Variants in SLC2A9 observed in about 807,000 individuals in gnomAD.
SLC2A9 encodes the protein solute carrier family 2, facilitated glucose transporter member 9.
A neutral mutation model predicts 50.6 loss-of-function variants in SLC2A9; 39 were observed. That is an observed-to-expected ratio of 0.77 (90% CI 0.60 to 1.01). The LOEUF is 1.01. SLC2A9 is among the 50% of genes least tolerant of loss of function. SLC2A9 has a pLI of 0.00. For synonymous variants in SLC2A9, 324 were observed against 276.9 expected (o/e 1.17, Z -1.69); for missense variants, 686 against 677.6 (o/e 1.01, Z -0.14).
At chr4:9,968,603 T>C (rs1753414597) in intron 5 of SLC2A9, among the ~76,000 whole-genome samples, 1 of 152,210 alleles carries the variant, frequency 6.6e-6, no homozygotes, top group South Asian at 2.1e-4. Context: ...CTAAGAGCCA[T>C]ATATCCCCCT....
chr4:10,019,185 G>C, intron 1 of SLC2A9, 112 bp from the exon 2 acceptor site: 1 of 861,396 alleles, frequency 1.2e-6, no homozygotes, highest in South Asian at 1.4e-5. Context: ...AGAAGTCTTT[G>C]TCCTTGGCTG....
At chr4:9,981,880 T>C (rs1244133681) in intron 4 of SLC2A9, among the ~76,000 whole-genome samples, 2 of 148,904 alleles carry the variant, frequency 1.3e-5, no homozygotes, top group Non-Finnish European at 3.0e-5. Context: ...TGGCTTTAAA[T>C]TCTTTTTTTT....
At chr4:9,943,597 C>T (rs185792204) in intron 5 of SLC2A9, among the ~76,000 whole-genome samples, 4 of 152,086 alleles carry the variant, frequency 2.6e-5, no homozygotes, top group East Asian at 1.9e-4. Flanking sequence ...GGCCCGACTC[C>T]GTGAAGATAC....
At chr4:9,848,356 A>T (rs1387357746) in intron 10 of SLC2A9, among the ~76,000 whole-genome samples, 1 of 43,266 alleles carries the variant, frequency 2.3e-5, no homozygotes, top group African/African-American at 3.7e-4. Context: ...TGTGTTTTCT[A>T]AAAAAAAAAA....
intron 10 of SLC2A9, among the ~76,000 whole-genome samples, chr4:9,838,832 C>T (rs6449044): frequency 0.16 from 24,469 of 152,124 alleles, 2,709 homozygotes; most frequent in African/African-American, 0.31. Flanking sequence ...TCCTCCCTTA[C>T]ACCATATACA....
At chr4:9,989,753 C>T (rs901638414) in intron 3 of SLC2A9, among the ~76,000 whole-genome samples, 11 of 152,056 alleles carry the variant, frequency 7.2e-5, no homozygotes. Context: ...CTGCAAAGTC[C>T]TCAGGATCTG....
At chr4:9,994,564 CTTTTT>C (rs35574155) in intron 3 of SLC2A9, among the ~76,000 whole-genome samples, 13 of 131,812 alleles carry the variant, frequency 9.9e-5, no homozygotes, top group Admixed American at 2.3e-4. Context: ...TTTCCTTTTC[CTTTTT>C]TTTTTTTTTT....
At chr4:9,813,516 T>A (rs1723153224) in intron 3 of SLC2A9, among the ~76,000 whole-genome samples, 1 of 152,184 alleles carries the variant, frequency 6.6e-6, no homozygotes, top group Admixed American at 6.5e-5. Flanking sequence ...CATCACATTC[T>A]CTTTATATAT....
downstream of SLC2A9, among the ~76,000 whole-genome samples, chr4:9,798,474 A>G (rs956798662): frequency 2.0e-5 from 3 of 152,108 alleles, no homozygotes; most frequent in Admixed American, 2.0e-4. Context: ...TCATTATGTA[A>G]AGAGAGTTGT....
chr4:9,984,801 C>T (rs1283662412), intron 4 of SLC2A9, among the ~76,000 whole-genome samples: 2 of 152,174 alleles, frequency 1.3e-5, no homozygotes, highest in East Asian at 1.9e-4. Context: ...CTGGCTTCCC[C>T]TCATACTCCA....
intron 6 of SLC2A9, among the ~76,000 whole-genome samples, chr4:9,925,687 CT>C (rs1744763171): frequency 6.6e-6 from 1 of 152,080 alleles, no homozygotes; most frequent in Admixed American, 6.5e-5. Context: ...TCTGTTGAGC[CT>C]TGCATAGAAT....
At chr4:10,003,525 C>T (rs192820015) in intron 2 of SLC2A9, among the ~76,000 whole-genome samples, 20 of 152,284 alleles carry the variant, frequency 1.3e-4, no homozygotes, top group African/African-American at 4.6e-4. Context: ...AGCCTAGGCC[C>T]CCTGCAGGAA....
At chr4:9,867,516 A>T (rs1346030193) in intron 10 of SLC2A9, among the ~76,000 whole-genome samples, 2 of 152,234 alleles carry the variant, frequency 1.3e-5, no homozygotes, top group Non-Finnish European at 2.9e-5. Flanking sequence ...ATGATGAAGA[A>T]GATGATGATG....
chr4:9,776,842 A>G (rs1250558705), downstream of SLC2A9, among the ~76,000 whole-genome samples: 5 of 152,058 alleles, frequency 3.3e-5, no homozygotes, highest in Admixed American at 6.5e-5. Flanking sequence ...CTTAGAACAA[A>G]TCCTCATGCC....
intron 5 of SLC2A9, among the ~76,000 whole-genome samples, chr4:9,957,668 C>T (rs1751534727): frequency 6.6e-6 from 1 of 151,958 alleles, no homozygotes; most frequent in Admixed American, 6.6e-5. Context: ...AGGGGGAAAG[C>T]CCTTAGAAAT....
At chr4:9,900,063 A>G (rs1739310628) in intron 8 of SLC2A9, among the ~76,000 whole-genome samples, 1 of 152,232 alleles carries the variant, frequency 6.6e-6, no homozygotes, top group Non-Finnish European at 1.5e-5. Context: ...GCAAGTAGAA[A>G]AAAAAATAGC....
chr4:10,026,968 C>G (rs1251713564), intron 1 of SLC2A9, among the ~76,000 whole-genome samples: 1 of 151,950 alleles, frequency 6.6e-6, no homozygotes, highest in Non-Finnish European at 1.5e-5. Flanking sequence ...TGCTTGAACC[C>G]AGGAGGCAGA....
intron 10 of SLC2A9, among the ~76,000 whole-genome samples, chr4:9,856,198 T>C (rs1044308823): frequency 1.3e-5 from 2 of 151,984 alleles, no homozygotes; most frequent in African/African-American, 4.8e-5. Context: ...TGGGAGAAAA[T>C]ATTTGCAAAC....
chr4:9,968,678 C>G (rs1176279231), intron 5 of SLC2A9, among the ~76,000 whole-genome samples: 3 of 152,166 alleles, frequency 2.0e-5, no homozygotes, highest in African/African-American at 7.2e-5. Context: ...GATATACATT[C>G]TGAATACATA....
Sources: allele counts gnomAD v4.1 joint callset (sites outside exome capture counted in the v4.1 genomes callset), GRCh38; gene constraint gnomAD v4.1.1; transcripts MANE v1.5; gene names NCBI Gene and HGNC (gene_info 2026-07-23, HGNC 2026-07-21).